The following WARS1 variants were observed in gnomAD, a reference collection of about 807,000 sequenced individuals.
WARS1 encodes tryptophanyl-tRNA synthetase 1, also known as tryptophan--tRNA ligase, cytoplasmic.
WARS1 carries 17 observed loss-of-function variants against 47.8 expected under a neutral mutation model. The observed-to-expected ratio is 0.36, with a 90% CI of 0.24 to 0.53. The LOEUF (loss-of-function observed/expected upper bound fraction) is 0.53. WARS1 is among the 20% of genes least tolerant of loss of function. The pLI is 0.91. For missense variants in WARS1, 434 were observed against 608.0 expected, an observed-to-expected ratio of 0.71 and a Z score of 3.01; for synonymous variants, 208 against 228.1, an observed-to-expected ratio of 0.91 and a Z score of 0.79.
intron 1 of WARS1, among the ~76,000 whole-genome samples, chr14:100,371,989 C>T (rs984122449): frequency 1.5e-4 from 22 of 150,354 alleles, no homozygotes; most frequent in African/African-American, 4.9e-4. Flanking sequence ...CCTGCCTTAA[C>T]TGATGACATT....
chr14:100,334,093 ATCGGACACAGT>A lies in WARS1; in HGVS notation c.*771_*781del, dbSNP rs1893546029. On this transcript the variant is annotated 3_prime_UTR_variant, in exon 11 of 11. Coordinates refer to ENST00000392882, the MANE Select transcript of WARS1 (RefSeq NM_004184.4). ...TCTGCGGAGGCCAGGACTCCTTGGC[ATCGGACACAGT>A]CAGGGGAAAAGCCACCCTGACTCTG... 1 of 152,696 alleles carries A rather than the reference ATCGGACACAGT, an allele frequency of 6.5e-6. No individual in the cohort carries two copies. The highest frequency in any genetic ancestry group is 6.5e-5 in the Admixed American group (1 of 15,282). 9.5% of individuals were successfully genotyped at this position (152,696 alleles called of 1,614,324 possible). A position where few individuals can be genotyped will look rare whatever the true frequency, so the allele number is the denominator to read the frequency against.
chr14:100,349,624 A>G (rs2139978667), intron 6 of WARS1, among the ~76,000 whole-genome samples: 1 of 152,382 alleles, frequency 6.6e-6, no homozygotes, highest in Admixed American at 6.5e-5. Context: ...CAGAGATTTA[A>G]GGACTTGCCC....
chr14:100,367,367 A>T (rs1896060385), intron 2 of WARS1, among the ~76,000 whole-genome samples: 1 of 152,104 alleles, frequency 6.6e-6, no homozygotes, highest in Admixed American at 6.6e-5. Context: ...AGGTGGGCAG[A>T]TCATGAGGTC....
At chr14:100,339,103 TCACACA>T (rs528163285) in intron 9 of WARS1, among the ~76,000 whole-genome samples, 2 of 145,298 alleles carry the variant, frequency 1.4e-5, no homozygotes, top group Non-Finnish European at 1.5e-5. Flanking sequence ...TGAAACTCCA[TCACACA>T]CACACACACA....
chr14:100,349,680 G>A (rs1237526357), intron 6 of WARS1, among the ~76,000 whole-genome samples: 1 of 152,222 alleles, frequency 6.6e-6, no homozygotes, highest in Non-Finnish European at 1.5e-5. Flanking sequence ...TGGAACACAA[G>A]TTTTCAGACT....
chr14:100,337,688 C>A (rs1471307584), intron 9 of WARS1, among the ~76,000 whole-genome samples: 294 of 114,320 alleles, frequency 2.6e-3, no homozygotes, highest in Admixed American at 2.9e-3. Flanking sequence ...TCCTCTCTGC[C>A]AAAAAAAAAA....
intron 2 of WARS1, among the ~76,000 whole-genome samples, chr14:100,364,223 C>T (rs541070011): frequency 6.6e-6 from 1 of 152,320 alleles, no homozygotes; most frequent in African/African-American, 2.4e-5. Flanking sequence ...AAAGGCTCTG[C>T]TCTCTTTCTT....
intron 7 of WARS1, among the ~76,000 whole-genome samples, chr14:100,346,431 C>G (rs567007629): frequency 6.6e-6 from 1 of 152,300 alleles, no homozygotes; most frequent in East Asian, 1.9e-4. Context: ...TGGGGTCCCA[C>G]CAGAGCTGTT....
intron 6 of WARS1, among the ~76,000 whole-genome samples, chr14:100,351,975 A>G (rs1044637615): frequency 5.6e-5 from 8 of 144,116 alleles, no homozygotes; most frequent in African/African-American, 1.3e-4. Flanking sequence ...CCTGGGTGAC[A>G]GAGCGAGACT....
chr14:100,338,726 G>A (rs2139890537), intron 9 of WARS1, among the ~76,000 whole-genome samples: 1 of 152,058 alleles, frequency 6.6e-6, no homozygotes, highest in East Asian at 1.9e-4. Flanking sequence ...GAGCCACTGT[G>A]CCCAGTCTTA....
chr14:100,369,191 C>T lies in WARS1; in HGVS notation c.-6G>A. On this transcript the variant is annotated 5_prime_UTR_variant, in exon 2 of 11. Transcript: ENST00000392882. ...GCGGGCTCACTGTTGGGCATGTTTG[C>T]TATCTCTCAGGAACTACGTTCACAG... 9 of 1,290,556 alleles carry T rather than the reference C, an allele frequency of 7.0e-6. No homozygotes were observed. Among genetic ancestry groups the T allele is most frequent in the Non-Finnish European group, 9.2e-6 (9 of 979,010 alleles). The allele number at this position is 1,290,556 out of a possible 1,614,324, so 79.9% of individuals were successfully genotyped here.
rs1281292903 is a variant in WARS1 at position 100,353,696 on chromosome 14, T to C, written c.716A>G (p.Asp239Gly). ...GACGTTTTCTCCTTACCCCATGTAG[T>C]CCAGGTCAGAGAATATGAAAGTCTT... Reference protein sequence around the residue: ...INKTFIFSDLDYMGMSSGFYK... With the variant: ...INKTFIFSDLGYMGMSSGFYK... Residue 239 changes from aspartate (D) to glycine (G), a missense_variant, in exon 6 of 11, where the codon GAC becomes GGC. This residue lies in a region of WARS1 where 347 missense variants were observed against 523.8 expected (regional missense o/e 0.66). Coordinates refer to ENST00000392882, the MANE Select transcript of WARS1 (RefSeq NM_004184.4). 3 of 1,614,182 alleles carry C rather than the reference T, an allele frequency of 1.9e-6. No individual in the cohort carries two copies. In the African/African-American group the frequency reaches 4.0e-5, roughly 22 times the overall value.
At position 100,335,145 on chromosome 14, in the gene WARS1, G is replaced by A. The variant is rs999225709; in HGVS notation, c.1255-109C>T. 58 of 1,038,784 alleles carry A rather than the reference G, an allele frequency of 5.6e-5. No individual in the cohort carries two copies. The African/African-American group carries it at 5.6e-4, about 10-fold the overall frequency. 64.3% of individuals were successfully genotyped at this position (1,038,784 alleles called of 1,614,324 possible). A position where few individuals can be genotyped will look rare whatever the true frequency, so the allele number is the denominator to read the frequency against. On this transcript the variant is annotated intron_variant, in intron 10 of 10. Coordinates refer to ENST00000392882, the MANE Select transcript of WARS1 (RefSeq NM_004184.4). ...ACACCACCCATGCAGAGCCTGGCAC[G>A]TGGGTGGCACTCAGAAGTGAGATCT...
At chr14:100,346,887 C>G (rs2234525) in intron 6 of WARS1, 41 bp from the exon 7 acceptor site, 39 of 1,570,908 alleles carry the variant, frequency 2.5e-5, no homozygotes, top group Non-Finnish European at 3.2e-5. Flanking sequence ...CGGAGGGCGG[C>G]CTTCACTGAA....
rs760586508 is a variant in WARS1, at chr14:100,360,673, A to G, written c.314-11T>C. ...TACTTCCAAACCGAACTGGAAAAAA[A>G]GAAAAGATGACTTTCTTAGGTGGCA... On this transcript the variant is annotated splice_polypyrimidine_tract_variant and intron_variant, in intron 3 of 10. Transcript: ENST00000392882. 1 of 1,602,246 alleles carries G rather than the reference A, an allele frequency of 6.2e-7. No homozygotes were observed. The highest frequency in any genetic ancestry group is 8.5e-7 in the Non-Finnish European group (1 of 1,171,264).
In WARS1 at chr14:100,342,616, G is replaced by A. The variant is rs200368258; in HGVS notation, c.940-45C>T. 18 of 1,557,044 alleles carry A rather than the reference G, an allele frequency of 1.2e-5. No individual in the cohort carries two copies. The East Asian group carries it at 3.8e-4, about 33-fold the overall frequency. On this transcript the variant is annotated intron_variant, in intron 8 of 10. Coordinates refer to ENST00000392882, the MANE Select transcript of WARS1 (RefSeq NM_004184.4). ...CCTGATGAGGGCGGCCAGAAAACAT[G>A]CCAGCTTTCAGCCATGAGCAGTCCC... is the stretch of plus-strand genomic sequence containing the variant.
chr14:100,343,120 G>A (rs572156566), intron 8 of WARS1, among the ~76,000 whole-genome samples, 155 bp downstream of exon 8: 8 of 152,254 alleles, frequency 5.3e-5, no homozygotes, highest in African/African-American at 1.7e-4. Context: ...CAAGTGATCC[G>A]CCTGCCTTGG....
At chr14:100,354,988 T>C (rs1278810828) in intron 4 of WARS1, among the ~76,000 whole-genome samples, 3 of 152,174 alleles carry the variant, frequency 2.0e-5, no homozygotes, top group East Asian at 1.9e-4. Flanking sequence ...CAGACAGTCC[T>C]GGCTTAGCAG....
At position 100,361,909 on chromosome 14, in the gene WARS1, A is replaced by T; in HGVS notation, c.112T>A (p.Ser38Thr). 1 of 1,614,176 alleles carries T rather than the reference A, an allele frequency of 6.2e-7. No homozygotes were observed. Among genetic ancestry groups the T allele is most frequent in the Non-Finnish European group, 8.5e-7 (1 of 1,180,018 alleles). The change falls in exon 3 of 11, where the codon TCT becomes ACT. Residue 38 changes from serine to threonine, a missense_variant. Physicochemically the swap from Ser to Thr is moderately conservative, Grantham distance 58 (BLOSUM62 1). Transcript: ENST00000392882. ...AATGACACCAACATCTTTACTGCAG[A>T]ATCAATTTCATCCTGAGAGAGGAAA... Reference protein sequence around the residue: ...AGNASKDEIDSAVKMLVSLKM... With the variant: ...AGNASKDEIDTAVKMLVSLKM...
Sources: gnomAD v4.1 joint callset for allele counts (sites outside exome capture counted in the v4.1 genomes callset) on GRCh38, gnomAD v4.1.1 for gene constraint, gnomAD v4.1.1 regional missense constraint, MANE v1.5 for transcripts, NCBI Gene and HGNC (gene_info 2026-07-23, HGNC 2026-07-21) for gene names.